The following SAMD5 variants were observed in gnomAD, a reference collection of about 807,000 sequenced individuals.
SAMD5 encodes sterile alpha motif domain-containing protein 5.
Under a neutral mutation model 11.3 loss-of-function variants are expected in SAMD5, and 13 were observed. The observed-to-expected ratio is 1.15, with a 90% CI of 0.75 to 1.83. SAMD5 has a LOEUF of 1.83. SAMD5 is among the 40% of genes most tolerant of loss of function. The pLI is 0.00. For missense variants in SAMD5, 255 were observed against 239.1 expected (o/e 1.07, Z -0.44); for synonymous variants, 129 against 111.3 (o/e 1.16, Z -1.00).
At chr6:147,645,981 T>C (rs1158141197) in intron 1 of SAMD5, among the ~76,000 whole-genome samples, 1 of 152,118 alleles carries the variant, frequency 6.6e-6, no homozygotes, top group Non-Finnish European at 1.5e-5. Flanking sequence ...CTGTTATCTT[T>C]GTCTCTATTT....
the SAMD5 span, among the ~76,000 whole-genome samples, chr6:147,843,913 C>T: frequency 0.015 from 2,230 of 152,118 alleles, 59 homozygotes; most frequent in African/African-American, 0.052. Flanking sequence ...AGGGGAAAAC[C>T]GGCATTACAT....
the SAMD5 span, among the ~76,000 whole-genome samples, chr6:147,841,570 C>T: frequency 6.6e-6 from 1 of 152,160 alleles, no homozygotes; most frequent in African/African-American, 2.4e-5. Flanking sequence ...AACAAACTAA[C>T]ATTAAAGGAG....
rs1463372735 is a variant in SAMD5, at chr6:147,509,176, C to T, written c.248C>T (p.Pro83Leu). ...ACGCTTGAGCCGCAGCCGGCGCCCC[C>T]CGGGCCGCCCGCCGACGCCGTCCCC... ...YFTLEPQPAP[P>L]GPPADAVPTG... The change falls in exon 1 of 2, where the codon CCC (proline) becomes CTC (leucine). Residue 83 changes from proline to leucine, a missense_variant. Transcript: ENST00000367474. 22 of 1,301,622 alleles carry T rather than the reference C, an allele frequency of 1.7e-5. No individual in the cohort carries two copies. Among genetic ancestry groups the T allele is most frequent in the Non-Finnish European group, 2.1e-5 (22 of 1,027,912 alleles). The allele number at this position is 1,301,622 out of a possible 1,614,324, so 80.6% of individuals were successfully genotyped here.
At chr6:147,719,550 A>G (rs573774440) in intron 1 of SAMD5, among the ~76,000 whole-genome samples, 1 of 152,154 alleles carries the variant, frequency 6.6e-6, no homozygotes, top group African/African-American at 2.4e-5. Flanking sequence ...TATCATGACT[A>G]TCACTGAACT....
At position 147,672,192 on chromosome 6, in the gene SAMD5, A is replaced by G. The variant is rs778733575; in HGVS notation, c.163-65125A>G. Among the ~76,000 whole-genome samples the G allele has an allele frequency of 9.2e-5, 14 of 152,106 alleles. No individual in the cohort carries two copies. The South Asian group carries it at 2.3e-3, about 25-fold the overall frequency. On this transcript the variant is annotated intron_variant, in intron 1 of 1. Transcript: ENST00000566741. ...TTTATACTTTTTGCCATTATTGTGA[A>G]TGGAAAATTTTCCATTATGTGTTGT...
the SAMD5 span, among the ~76,000 whole-genome samples, chr6:147,907,323 C>G: frequency 1.3e-5 from 2 of 152,212 alleles, no homozygotes; most frequent in Admixed American, 6.5e-5. Flanking sequence ...AATATTCTCT[C>G]CTCCCTTCCT....
At chr6:147,847,422 A>C in the SAMD5 span, among the ~76,000 whole-genome samples, 2 of 152,240 alleles carry the variant, frequency 1.3e-5, no homozygotes, top group Admixed American at 1.3e-4. Context: ...ACTTTAAAAA[A>C]AACCCACCTC....
chr6:147,848,192 T>C, the SAMD5 span, among the ~76,000 whole-genome samples: 1 of 152,210 alleles, frequency 6.6e-6, no homozygotes, highest in African/African-American at 2.4e-5. Context: ...ATAAAACCCA[T>C]AGCAGTGGAT....
chr6:147,791,522 T>C, the SAMD5 span, among the ~76,000 whole-genome samples: 1 of 152,194 alleles, frequency 6.6e-6, no homozygotes, highest in Non-Finnish European at 1.5e-5. Flanking sequence ...ACAGCTTGTC[T>C]ACTCATAACT....
In SAMD5 at chr6:147,521,775, T is replaced by A. The variant is rs935593574; in HGVS notation, c.459+12388T>A. ...AGTGGTTCTCAATGTGAAGACCTTA[T>A]CTTAAATTATTAGTTCATTTCCTTG... On this transcript the variant is annotated intron_variant, in intron 1 of 1. Coordinates refer to ENST00000367474, the MANE Select transcript of SAMD5 (RefSeq NM_001030060.3). Among the ~76,000 whole-genome samples the A allele has an allele frequency of 2.6e-5, 4 of 152,248 alleles. No homozygotes were observed. The East Asian group carries it at 5.8e-4, about 22-fold the overall frequency.
At chr6:147,893,208 A>G in the SAMD5 span, among the ~76,000 whole-genome samples, 1 of 152,028 alleles carries the variant, frequency 6.6e-6, no homozygotes, top group African/African-American at 2.4e-5. Flanking sequence ...GTCTAGAAAA[A>G]AAAAAAAAAA....
intron 1 of SAMD5, among the ~76,000 whole-genome samples, chr6:147,635,209 C>T (rs551048375): frequency 1.7e-4 from 24 of 143,026 alleles, no homozygotes; most frequent in East Asian, 6.2e-4. Context: ...CTACCCTCAT[C>T]GCCGTCATCA....
At chr6:147,550,894 T>C (rs1158688595) in intron 1 of SAMD5, among the ~76,000 whole-genome samples, 1 of 91,590 alleles carries the variant, frequency 1.1e-5, no homozygotes, top group Non-Finnish European at 2.5e-5. Context: ...CTTATACCTC[T>C]TATATTTATA....
rs1791449177 is a variant in SAMD5 at position 147,715,142 on chromosome 6, G to A, written c.163-22175G>A. ...TAGCTGGAAAGTTCTGTGGCTAGTG[G>A]TGCCTTTGCCCAAGTTTTTACTCAG... On this transcript the variant is annotated intron_variant, in intron 1 of 1. Transcript: ENST00000566741. 2.0e-5 allele frequency among the ~76,000 whole-genome samples: 3 copies of A among 152,252 alleles called. No homozygotes were observed. The South Asian group carries it at 6.2e-4, about 32-fold the overall frequency.
At chr6:147,636,270 G>T (rs570107102) in intron 1 of SAMD5, among the ~76,000 whole-genome samples, 9 of 152,282 alleles carry the variant, frequency 5.9e-5, no homozygotes, top group African/African-American at 1.7e-4. Flanking sequence ...GAGGGACTAT[G>T]AACATGCGAG....
intron 1 of SAMD5, among the ~76,000 whole-genome samples, chr6:147,679,715 A>C (rs1366058093): frequency 6.6e-6 from 1 of 151,818 alleles, no homozygotes; most frequent in East Asian, 1.9e-4. Flanking sequence ...TATCTAAGAA[A>C]TCTTTGCCTA....
At chr6:147,732,032 G>T (rs748307194) in intron 1 of SAMD5, among the ~76,000 whole-genome samples, 1 of 152,076 alleles carries the variant, frequency 6.6e-6, no homozygotes, top group Non-Finnish European at 1.5e-5. Context: ...GTGGACTAAT[G>T]GGAGTTTTCA....
chr6:147,537,728 C>T (rs939072570), intron 1 of SAMD5, among the ~76,000 whole-genome samples: 5 of 150,136 alleles, frequency 3.3e-5, no homozygotes, highest in African/African-American at 9.9e-5. Flanking sequence ...TGCCCTCCAG[C>T]CTGGGTGACA....
intron 1 of SAMD5, among the ~76,000 whole-genome samples, chr6:147,517,522 A>G (rs1788189959): frequency 8.3e-6 from 1 of 120,834 alleles, no homozygotes; most frequent in African/African-American, 3.8e-5. Flanking sequence ...TGGAAATGAT[A>G]CCCAGTCATT....
Sources: gnomAD v4.1 joint callset for allele counts (sites outside exome capture counted in the v4.1 genomes callset) on GRCh38, gnomAD v4.1.1 for gene constraint, MANE v1.5 for transcripts, NCBI Gene and HGNC (gene_info 2026-07-23, HGNC 2026-07-21) for gene names.